EPS8L2: variants seen among roughly 807,000 people sequenced by gnomAD.
EPS8L2 encodes the protein EPS8 signaling adaptor L2, also known as epidermal growth factor receptor kinase substrate 8-like protein 2.
In EPS8L2, 81 loss-of-function variants were observed where a neutral mutation model predicts 99.4. That is an observed-to-expected ratio of 0.82 (90% CI 0.68 to 0.98). The LOEUF (loss-of-function observed/expected upper bound fraction) is 0.98, where lower values mean the gene tolerates loss of function less well. Among genes scored for constraint, EPS8L2 ranks in the 50% least tolerant of loss-of-function variants. EPS8L2 has a pLI of 0.00. For missense variants in EPS8L2, 1,155 were observed against 968.8 expected, an observed-to-expected ratio of 1.19 and a Z score of -2.55; for synonymous variants, 509 against 407.3, an observed-to-expected ratio of 1.25 and a Z score of -3.01.
At chr11:707,214 C>A (rs1437699176) in intron 1 of EPS8L2, among the ~76,000 whole-genome samples, 1 of 152,178 alleles carries the variant, frequency 6.6e-6, no homozygotes, top group Non-Finnish European at 1.5e-5. Context: ...TCCCACCGGG[C>A]CTTCTCCGCC....
intron 4 of EPS8L2, among the ~76,000 whole-genome samples, chr11:718,846 T>A (rs1414869917): frequency 1.3e-5 from 2 of 151,078 alleles, no homozygotes; most frequent in Admixed American, 1.3e-4. Context: ...TTTTTTGTAT[T>A]TTTAGTAGAG....
At chr11:725,301 A>C (rs1453459250) in intron 16 of EPS8L2, among the ~76,000 whole-genome samples, 1 of 152,244 alleles carries the variant, frequency 6.6e-6, no homozygotes, top group Non-Finnish European at 1.5e-5. Context: ...CCTTTAGCCC[A>C]CGAGTTCGAG....
intron 5 of EPS8L2, 140 bp downstream of exon 5, chr11:720,363 A>G (rs1392858826): frequency 3.5e-6 from 4 of 1,144,516 alleles, no homozygotes; most frequent in Middle Eastern, 5.9e-4. Flanking sequence ...AGAGGATGGG[A>G]CAAGGGTGGG....
Position 716,455 on chromosome 11 carries a change from C to T in EPS8L2, c.166-3607C>T, listed in dbSNP as rs1862030175. Among the ~76,000 whole-genome samples, 3 of 152,254 alleles carry T rather than the reference C, an allele frequency of 2.0e-5. 1 individual carries two copies. The highest frequency in any genetic ancestry group is 3.4e-3 in the Middle Eastern group (1 of 294). On this transcript the variant is annotated intron_variant, in intron 4 of 20. Transcript: ENST00000318562. ...ATTTTCAGTACAGACAAGAGTTTTG[C>T]CATGTTGGCCCAGCTGGTCTCAAAC...
At chr11:709,662 A>G in intron 3 of EPS8L2, 54 bp downstream of exon 3, 2 of 1,587,274 alleles carry the variant, frequency 1.3e-6, no homozygotes, top group South Asian at 2.2e-5. Flanking sequence ...TGGGCACTGC[A>G]TCCAGGTGGG....
chr11:723,585 G>C (rs545241586), intron 15 of EPS8L2, among the ~76,000 whole-genome samples: 1 of 152,272 alleles, frequency 6.6e-6, no homozygotes, highest in East Asian at 1.9e-4. Flanking sequence ...AGCTTTTTCT[G>C]TGCATCCACA....
At chr11:725,694 G>GAC (rs1489380551) in intron 16 of EPS8L2, 34 bp from the exon 17 acceptor site, 3 of 1,305,804 alleles carry the variant, frequency 2.3e-6, no homozygotes, top group Non-Finnish European at 1.9e-6. Flanking sequence ...CGCAGAGCCT[G>GAC]GGTGTGGGGA....
rs1423191096 is a variant in EPS8L2, at chr11:726,322, A to G, written c.1772A>G (p.Asp591Gly). 6.2e-6 allele frequency: 10 copies of G among 1,609,494 alleles called. No homozygotes were observed. The highest frequency in any genetic ancestry group is 8.5e-6 in the Non-Finnish European group (10 of 1,178,780). Residue 591 changes from aspartate to glycine, a missense_variant, in exon 19 of 21, where the codon GAC becomes GGC. Transcript: ENST00000318562. ...CCCTCAGAGCTCATGCAGCACATGG[A>G]CGAGGTCAACGACGAGCTCATCCGG... The part of the protein sequence containing the change: ...GNKDELMQHM[D>G]EVNDELIRKI...
chr11:722,125 CCGCGGAGCTCGTGCA>C lies in EPS8L2; in HGVS notation c.1021_1035del (p.Ala341_His345del). Reference sequence around the variant, plus strand: ...CAGAAGCACATCCAGAACCCCAGCGCCGCGGAGCTCGTGCACTTCCTCTTCGGGCCTCTGGACCTG... The same window carrying C: ...CAGAAGCACATCCAGAACCCCAGCGCCTTCCTCTTCGGGCCTCTGGACCTG... On this transcript the variant is annotated inframe_deletion, in exon 12 of 21. Transcript: ENST00000318562. 2 of 1,612,996 alleles carry C rather than the reference CCGCGGAGCTCGTGCA, an allele frequency of 1.2e-6. No homozygotes were observed. Among genetic ancestry groups the C allele is most frequent in the Admixed American group, 3.3e-5 (2 of 60,022 alleles).
intron 4 of EPS8L2, among the ~76,000 whole-genome samples, chr11:713,201 G>A (rs1044168314): frequency 4.6e-5 from 7 of 152,228 alleles, no homozygotes; most frequent in African/African-American, 1.7e-4. Context: ...ACCTGAGCCC[G>A]GGTCCATGGT....
chr11:723,316 G>T lies in EPS8L2; in HGVS notation c.1417G>T (p.Asp473Tyr). The change falls in exon 15 of 21, where the codon GAT becomes TAT. Residue 473 changes from aspartate (D) to tyrosine (Y), a missense_variant. Asp to Tyr is a radical substitution (Grantham distance 160). Coordinates refer to ENST00000318562, the MANE Select transcript of EPS8L2 (RefSeq NM_022772.4). ...CACTTCAGAGCCCACCCCCCCGGGG[G>T]ATGCCCTACCACCAGTCAGCTCCCC... ...SPTSEPTPPGDALPPVSSPHT... is the reference protein window; with the variant it reads ...SPTSEPTPPGYALPPVSSPHT... The T allele has an allele frequency of 3.8e-6, 6 of 1,598,402 alleles. No homozygotes were observed. The highest frequency in any genetic ancestry group is 5.1e-6 in the Non-Finnish European group (6 of 1,173,026).
intron 4 of EPS8L2, among the ~76,000 whole-genome samples, chr11:716,420 T>A (rs1386381403): frequency 6.6e-6 from 1 of 152,214 alleles, no homozygotes; most frequent in African/African-American, 2.4e-5. Context: ...AGTGCTGGGA[T>A]AATTTTTGTA....
chr11:709,425 C>T lies in EPS8L2; in HGVS notation c.18C>T (p.Ala6=), dbSNP rs781184967. 7 of 1,593,900 alleles carry T rather than the reference C, an allele frequency of 4.4e-6. No individual in the cohort carries two copies. Among genetic ancestry groups the T allele is most frequent in the East Asian group, 4.6e-5 (2 of 43,510 alleles). The change falls in exon 2 of 21, where the codon GCC becomes GCT. Residue 6 remains alanine (A), a synonymous_variant. Transcript: ENST00000318562. Reference sequence around the variant, plus strand: ...AAGACACCATGAGCCAGTCCGGGGCCGTGAGCTGCTGCCCGGGTGCCACCA... The same window carrying T: ...AAGACACCATGAGCCAGTCCGGGGCTGTGAGCTGCTGCCCGGGTGCCACCA... MSQSG[A]VSCCPGATNG... is the part of the protein sequence containing the mutation.
At chr11:715,857 C>T (rs1253039347) in intron 4 of EPS8L2, among the ~76,000 whole-genome samples, 11 of 151,668 alleles carry the variant, frequency 7.3e-5, no homozygotes, top group South Asian at 2.1e-4. Flanking sequence ...CATGACCTCA[C>T]GATCCGCCTG....
chr11:721,044 A>G lies in EPS8L2; in HGVS notation c.558-20A>G. 1.5e-6 allele frequency: 2 copies of G among 1,307,554 alleles called. No individual in the cohort carries two copies. The highest frequency in any genetic ancestry group is 1.5e-5 in the South Asian group (1 of 64,916). 81.0% of individuals were successfully genotyped at this position (1,307,554 alleles called of 1,614,324 possible). Reference sequence around the variant, plus strand: ...AGGTGCGTTCCCGGCGGGGCTGAGCAGGACCCCCTCGCCCTCCAGGGGACA... The same window carrying G: ...AGGTGCGTTCCCGGCGGGGCTGAGCGGGACCCCCTCGCCCTCCAGGGGACA... On this transcript the variant is annotated intron_variant, in intron 7 of 20. Coordinates refer to ENST00000318562, the MANE Select transcript of EPS8L2 (RefSeq NM_022772.4).
At chr11:712,149 G>A (rs897084262) in intron 4 of EPS8L2, among the ~76,000 whole-genome samples, 4 of 151,584 alleles carry the variant, frequency 2.6e-5, no homozygotes, top group African/African-American at 9.7e-5. Context: ...AGCTGGACGT[G>A]GTGGTGGGAG....
chr11:720,559 C>T, intron 5 of EPS8L2, 38 bp from the exon 6 acceptor site: 2 of 1,578,382 alleles, frequency 1.3e-6, no homozygotes, highest in African/African-American at 2.7e-5. Context: ...AGTGCCCAGA[C>T]CCCGGGTGCG....
intron 4 of EPS8L2, among the ~76,000 whole-genome samples, chr11:717,945 A>C (rs1206862170): frequency 6.6e-6 from 1 of 151,422 alleles, no homozygotes; most frequent in Non-Finnish European, 1.5e-5. Flanking sequence ...GGAGGCGGAG[A>C]TTGCAGTGAG....
intron 4 of EPS8L2, among the ~76,000 whole-genome samples, chr11:719,736 G>A (rs1862107061): frequency 6.6e-6 from 1 of 152,238 alleles, no homozygotes; most frequent in South Asian, 2.1e-4. Flanking sequence ...GTCTGAGAAG[G>A]AAGAGAGCTG....
Sources: gnomAD v4.1 joint callset for allele counts (sites outside exome capture counted in the v4.1 genomes callset) on GRCh38, gnomAD v4.1.1 for gene constraint, MANE v1.5 for transcripts, NCBI Gene and HGNC (gene_info 2026-07-23, HGNC 2026-07-21) for gene names.